PCBP3: variants seen among roughly 807,000 people sequenced by gnomAD.
The protein encoded by PCBP3 is poly(rC) binding protein 3, also known as poly(rC)-binding protein 3.
Under a neutral mutation model 52.7 loss-of-function variants are expected in PCBP3, and 25 were observed. That is an observed-to-expected ratio of 0.47 (90% CI 0.35 to 0.66). The LOEUF is 0.66. PCBP3 is among the 30% of genes least tolerant of loss of function. PCBP3 has a pLI of 0.01. For missense variants in PCBP3, 391 were observed against 490.3 expected (o/e 0.80, Z 1.91); for synonymous variants, 162 against 183.0 (o/e 0.89, Z 0.93).
chr21:45,922,059 G>A (rs1355722101), intron 13 of PCBP3, among the ~76,000 whole-genome samples: 2 of 152,110 alleles, frequency 1.3e-5, no homozygotes, highest in Non-Finnish European at 2.9e-5. Context: ...TGTGTGTCCT[G>A]CCTGGGTCAG....
chr21:45,858,049 C>T (rs576430818), intron 5 of PCBP3, among the ~76,000 whole-genome samples: 10 of 152,352 alleles, frequency 6.6e-5, no homozygotes, highest in South Asian at 2.1e-4. Flanking sequence ...TCCTGCCTTG[C>T]GGGCCATGCC....
chr21:45,813,781 T>G (rs979935919), intron 4 of PCBP3, among the ~76,000 whole-genome samples: 1 of 152,226 alleles, frequency 6.6e-6, no homozygotes, highest in African/African-American at 2.4e-5. Context: ...ATAGCTCCTT[T>G]AAAAGTACCT....
At chr21:45,714,122 G>T (rs1471404625) in intron 2 of PCBP3, among the ~76,000 whole-genome samples, 1 of 152,156 alleles carries the variant, frequency 6.6e-6, no homozygotes, top group Non-Finnish European at 1.5e-5. Context: ...CTTCAGCGTG[G>T]TTGGTTGCGC....
intron 5 of PCBP3, among the ~76,000 whole-genome samples, chr21:45,860,456 A>G (rs1174179245): frequency 6.6e-6 from 1 of 152,180 alleles, no homozygotes; most frequent in East Asian, 1.9e-4. Flanking sequence ...TGTGTTGAAC[A>G]CGCAGTTGGG....
intron 2 of PCBP3, among the ~76,000 whole-genome samples, chr21:45,690,806 G>A (rs923419716): frequency 6.6e-6 from 1 of 152,092 alleles, no homozygotes; most frequent in Admixed American, 6.6e-5. Flanking sequence ...AAAAACTAAA[G>A]TTGTAAAGAG....
At chr21:45,920,210 ACCT>A (rs2074246042) in intron 13 of PCBP3, among the ~76,000 whole-genome samples, 1 of 152,072 alleles carries the variant, frequency 6.6e-6, no homozygotes, top group Non-Finnish European at 1.5e-5. Context: ...CTCTGGTGAC[ACCT>A]TACGGATTTC....
chr21:45,814,595 AGTGAGTGATGAGTGGTGAGTG>A (rs1461766984), intron 4 of PCBP3, among the ~76,000 whole-genome samples: 39 of 79,746 alleles, frequency 4.9e-4, no homozygotes, highest in Admixed American at 1.7e-3. Context: ...ATGAGTGGTG[AGTGAGTGATGAGTGGTGAGTG>A]GTGAGTGATG....
chr21:45,718,399 A>G lies in PCBP3; in HGVS notation c.-199-16993A>G, dbSNP rs183115833. Among the ~76,000 whole-genome samples, 24 of 151,776 alleles carry G rather than the reference A, an allele frequency of 1.6e-4. No homozygotes were observed. The East Asian group carries it at 4.1e-3, about 26-fold the overall frequency. On this transcript the variant is annotated intron_variant, in intron 2 of 17. Coordinates refer to ENST00000681687, the MANE Select transcript of PCBP3 (RefSeq NM_001384156.1). ...GGGTTTAGTTTTCTCTTGTTTTACT[A>G]ATTTCTTAAGATGGAAGTTTAGGTT...
At chr21:45,836,408 C>G (rs1314482023) in intron 4 of PCBP3, 1 of 152,054 alleles carries the variant, frequency 6.6e-6, no homozygotes, top group African/African-American at 2.4e-5. Context: ...TGTAGCCAGG[C>G]CTGCTGGTCA....
chr21:45,757,367 ATTGT>A (rs2088160119), intron 4 of PCBP3, among the ~76,000 whole-genome samples: 2 of 152,136 alleles, frequency 1.3e-5, no homozygotes, highest in South Asian at 4.1e-4. Context: ...CTACTTTTAA[ATTGT>A]TTGTTCTTTA....
chr21:45,934,286 G>C (rs918383650), intron 15 of PCBP3, among the ~76,000 whole-genome samples: 3 of 152,104 alleles, frequency 2.0e-5, no homozygotes. Context: ...TAGACTTGCA[G>C]GTTGGAGCCG....
At chr21:45,892,262 C>CCT (rs2095686230) in intron 5 of PCBP3, among the ~76,000 whole-genome samples, 2 of 152,198 alleles carry the variant, frequency 1.3e-5, no homozygotes, top group Non-Finnish European at 2.9e-5. Context: ...TCACCGTTTC[C>CCT]TGTCTTCTGG....
rs73232742 is a variant in PCBP3, at chr21:45,736,992, G to A, written c.-162+1563G>A. 2.6e-5 allele frequency among the ~76,000 whole-genome samples: 4 copies of A among 152,222 alleles called. No individual in the cohort carries two copies. The South Asian group carries it at 8.3e-4, about 32-fold the overall frequency. ...TGCGCGAGTCTTGCTGGAGGTGCAC[G>A]TGTGAGCCCCTTGGTGCAGGAGGTG... On this transcript the variant is annotated intron_variant, in intron 3 of 17. Coordinates refer to ENST00000681687, the MANE Select transcript of PCBP3 (RefSeq NM_001384156.1). This position sits in a 1 kb window ranked among gnomAD's most constrained non-coding sequence, Gnocchi z 4.6.
chr21:45,834,445 G>A (rs111459187), intron 4 of PCBP3, among the ~76,000 whole-genome samples: 57 of 152,292 alleles, frequency 3.7e-4, no homozygotes, highest in African/African-American at 1.2e-3. Context: ...TAGGGGTGGC[G>A]TCCCCATGCA....
At chr21:45,680,998 T>C (rs1368153847) in intron 2 of PCBP3, among the ~76,000 whole-genome samples, 1 of 152,196 alleles carries the variant, frequency 6.6e-6, no homozygotes, top group East Asian at 1.9e-4. Flanking sequence ...AGAGCCTTCT[T>C]GCTGCATTCT....
chr21:45,741,686 G>A lies in PCBP3; in HGVS notation c.-162+6257G>A, dbSNP rs890597729. Among the ~76,000 whole-genome samples the A allele has an allele frequency of 2.0e-5, 3 of 152,082 alleles. No individual in the cohort carries two copies. The highest frequency in any genetic ancestry group is 7.2e-5 in the African/African-American group (3 of 41,414). On this transcript the variant is annotated intron_variant, in intron 3 of 17. Coordinates refer to ENST00000681687, the MANE Select transcript of PCBP3 (RefSeq NM_001384156.1). The surrounding 1 kb of genome is among the most constrained non-coding windows in gnomAD (Gnocchi z 4.5). ...TTTATTAAAAATAAAAAATTTTAAA[G>A]GTTATATGGCAAATATTATTTTATA...
At chr21:45,751,893 G>A (rs1253287858) in intron 3 of PCBP3, among the ~76,000 whole-genome samples, 1 of 152,178 alleles carries the variant, frequency 6.6e-6, no homozygotes, top group Non-Finnish European at 1.5e-5. Flanking sequence ...GTGAAGTAGA[G>A]CACCTTTTCA....
At chr21:45,915,833 G>A (rs1047112346) in intron 12 of PCBP3, 2 of 152,400 alleles carry the variant, frequency 1.3e-5, no homozygotes, top group Non-Finnish European at 2.9e-5. Flanking sequence ...TGCAAACCCA[G>A]AAGTGTGGGC....
chr21:45,711,194 T>G (rs908057936), intron 2 of PCBP3, among the ~76,000 whole-genome samples: 2 of 152,230 alleles, frequency 1.3e-5, no homozygotes, highest in African/African-American at 4.8e-5. Context: ...GGAGTTTTGT[T>G]GCTTTTAGGC....
Sources: allele counts gnomAD v4.1 joint callset (sites outside exome capture counted in the v4.1 genomes callset), GRCh38; gene constraint gnomAD v4.1.1; non-coding constraint Gnocchi (gnomAD v3.1); transcripts MANE v1.5; gene names NCBI Gene and HGNC (gene_info 2026-07-23, HGNC 2026-07-21).